The following SLC39A8 variants were observed in gnomAD, a reference collection of about 807,000 sequenced individuals.
SLC39A8 encodes the protein metal cation symporter ZIP8.
SLC39A8 carries 15 observed loss-of-function variants against 40.4 expected under a neutral mutation model. That is an observed-to-expected ratio of 0.37 (90% CI 0.25 to 0.57). The LOEUF (loss-of-function observed/expected upper bound fraction) is 0.57, where lower values mean the gene tolerates loss of function less well. Among genes scored for constraint, SLC39A8 ranks in the 20% least tolerant of loss-of-function variants. The probability of loss-of-function intolerance (pLI) is 0.75; values close to 1 mark genes in which losing one functional copy is unlikely to be tolerated. For missense variants in SLC39A8, 472 were observed against 558.8 expected, an observed-to-expected ratio of 0.84 and a Z score of 1.57; for synonymous variants, 223 against 221.6, an observed-to-expected ratio of 1.01 and a Z score of -0.06.
At chr4:102,312,010 ATTC>A (rs1420961534) in intron 3 of SLC39A8, among the ~76,000 whole-genome samples, 2 of 152,088 alleles carry the variant, frequency 1.3e-5, no homozygotes, top group African/African-American at 4.8e-5. Context: ...GAACAAAGAC[ATTC>A]TTCTTCCTCT....
chr4:102,294,895 A>T (rs986467670), intron 6 of SLC39A8, among the ~76,000 whole-genome samples: 1 of 151,986 alleles, frequency 6.6e-6, no homozygotes, highest in African/African-American at 2.4e-5. Flanking sequence ...ACCACTTCAG[A>T]CTTATTAAAT....
At chr4:102,312,708 G>A (rs1327717600) in intron 3 of SLC39A8, among the ~76,000 whole-genome samples, 3 of 152,068 alleles carry the variant, frequency 2.0e-5, no homozygotes, top group Non-Finnish European at 4.4e-5. Flanking sequence ...GCCTACCACA[G>A]CACCTAGGTA....
chr4:102,323,167 T>C (rs1401257423), intron 2 of SLC39A8, among the ~76,000 whole-genome samples: 1 of 152,216 alleles, frequency 6.6e-6, no homozygotes, highest in African/African-American at 2.4e-5. Flanking sequence ...CCTATAATCT[T>C]CATCTGTTCT....
At chr4:102,274,914 T>C (rs1028557548) in intron 6 of SLC39A8, among the ~76,000 whole-genome samples, 1 of 152,078 alleles carries the variant, frequency 6.6e-6, no homozygotes, top group Non-Finnish European at 1.5e-5. Context: ...AGGGATTTTG[T>C]CACCACCAGG....
At chr4:102,267,726 G>A (rs1266786192) in intron 7 of SLC39A8, 52 bp from the exon 8 acceptor site, 1 of 1,544,416 alleles carries the variant, frequency 6.5e-7, no homozygotes, top group African/African-American at 1.4e-5. Flanking sequence ...TTTATTTCTG[G>A]ATGATATCAA....
intron 2 of SLC39A8, among the ~76,000 whole-genome samples, chr4:102,340,648 G>A (rs2149057540): frequency 6.6e-6 from 1 of 152,324 alleles, no homozygotes; most frequent in South Asian, 2.1e-4. Flanking sequence ...CAGGATGAAT[G>A]ATATGATCAG....
At chr4:102,281,978 C>G (rs1436500214) in intron 6 of SLC39A8, among the ~76,000 whole-genome samples, 1 of 152,210 alleles carries the variant, frequency 6.6e-6, no homozygotes, top group Non-Finnish European at 1.5e-5. Context: ...TCACTATGCT[C>G]CTGGTACTGT....
At chr4:102,328,691 A>G (rs1223354195) in intron 2 of SLC39A8, among the ~76,000 whole-genome samples, 4 of 152,210 alleles carry the variant, frequency 2.6e-5, no homozygotes, top group Non-Finnish European at 1.5e-5. Flanking sequence ...CCTTTGCCTC[A>G]TGGACCATAC....
chr4:102,263,159 A>T lies in SLC39A8; in HGVS notation c.1268T>A (p.Val423Glu), dbSNP rs1193650520. The T allele has an allele frequency of 1.2e-6, 2 of 1,613,576 alleles. No homozygotes were observed. The highest frequency in any genetic ancestry group is 1.7e-5 in the Admixed American group (1 of 59,994). Residue 423 changes from valine to glutamate, a missense_variant, in exon 9 of 9, where the codon GTA (valine) becomes GAA (glutamate). By Grantham distance (121) the Val-to-Glu change is moderately radical. Around this residue, in one of 4 missense-constraint regions of SLC39A8, gnomAD observed 50 missense variants for 50.5 expected, o/e 0.99. Transcript: ENST00000356736. ...GGTGAAATCGGTTTTTCTTCCAGTTACCTTTTCTCTCAGCATATCATTCAT... is the reference window on the plus strand; with the variant it reads ...GGTGAAATCGGTTTTTCTTCCAGTTTCCTTTTCTCTCAGCATATCATTCAT... ...PEMNDMLREK[V>E]TGRKTDFTFF... is the part of the protein sequence containing the mutation.
chr4:102,326,816 A>G (rs1207412741), intron 2 of SLC39A8, among the ~76,000 whole-genome samples: 1 of 152,096 alleles, frequency 6.6e-6, no homozygotes, highest in East Asian at 1.9e-4. Context: ...TTCACTGAGG[A>G]GCTAGGAGCT....
chr4:102,261,603 T>C (rs6816673), downstream of SLC39A8: 14,804 of 674,410 alleles, frequency 0.022, 1,766 homozygotes, highest in African/African-American at 0.26. Context: ...CTCTCCCCCA[T>C]AATACCAGAT....
At chr4:102,267,259 A>G (rs1290370470) in intron 8 of SLC39A8, among the ~76,000 whole-genome samples, 1 of 152,070 alleles carries the variant, frequency 6.6e-6, no homozygotes, top group East Asian at 1.9e-4. Flanking sequence ...AAATCATTTC[A>G]CCTTCAAACA....
chr4:102,262,049 T>C lies in SLC39A8; in HGVS notation c.*995A>G. The C allele has an allele frequency of 1.0e-6, 1 of 986,020 alleles. No homozygotes were observed. Among genetic ancestry groups the C allele is most frequent in the South Asian group, 4.7e-5 (1 of 21,288 alleles). The allele number at this position is 986,020 out of a possible 1,614,324, so 61.1% of individuals were successfully genotyped here. A position where few individuals can be genotyped will look rare whatever the true frequency, so the allele number is the denominator to read the frequency against. ...GGCTGAACACAAAGGAAGTCTTTTC[T>C]GAATGGCTCTCGATCACACATAAGG... On this transcript the variant is annotated 3_prime_UTR_variant, in exon 9 of 9. Transcript: ENST00000356736.
At position 102,262,483 on chromosome 4, in the gene SLC39A8, T is replaced by G; in HGVS notation, c.*561A>C. On this transcript the variant is annotated 3_prime_UTR_variant, in exon 9 of 9. Transcript: ENST00000356736. ...TTTTCAAAATAATACTGCAAGTTCCTAATTGAAATACAAAACAGAACAAAA... is the reference window on the plus strand; with the variant it reads ...TTTTCAAAATAATACTGCAAGTTCCGAATTGAAATACAAAACAGAACAAAA... 1 of 985,256 alleles carries G rather than the reference T, an allele frequency of 1.0e-6. No homozygotes were observed. Among genetic ancestry groups the G allele is most frequent in the Non-Finnish European group, 1.2e-6 (1 of 829,632 alleles). 61.0% of individuals were successfully genotyped at this position (985,256 alleles called of 1,614,324 possible). A position where few individuals can be genotyped will look rare whatever the true frequency, so the allele number is the denominator to read the frequency against.
intron 6 of SLC39A8, among the ~76,000 whole-genome samples, chr4:102,292,267 T>C (rs1450853473): frequency 6.6e-6 from 1 of 152,104 alleles, no homozygotes; most frequent in East Asian, 1.9e-4. Flanking sequence ...TTCATCTTTC[T>C]ACAATGTGTA....
chr4:102,273,946 C>T (rs950264684), intron 6 of SLC39A8, among the ~76,000 whole-genome samples: 3 of 152,130 alleles, frequency 2.0e-5, no homozygotes, highest in African/African-American at 7.2e-5. Context: ...ATCTGAAGGT[C>T]ACCAACAGCA....
At chr4:102,263,287 T>C in intron 8 of SLC39A8, 94 bp from the exon 9 acceptor site, 1 of 1,098,668 alleles carries the variant, frequency 9.1e-7, no homozygotes, top group Non-Finnish European at 1.3e-6. Flanking sequence ...CAGTGTGGGT[T>C]TGGTTCCAGA....
At chr4:102,256,119 T>C (rs1386070017) in intron 11 of SLC39A8, among the ~76,000 whole-genome samples, 1 of 152,222 alleles carries the variant, frequency 6.6e-6, no homozygotes, top group Non-Finnish European at 1.5e-5. Flanking sequence ...ACATAATTAT[T>C]AGAGTAACAC....
intron 6 of SLC39A8, chr4:102,269,654 C>T (rs1732256139): frequency 1.3e-5 from 2 of 152,032 alleles, no homozygotes; most frequent in African/African-American, 4.8e-5. Context: ...CCCAGAGATA[C>T]AAAAAAAGAG....
Sources: gnomAD v4.1 joint callset for allele counts (sites outside exome capture counted in the v4.1 genomes callset) on GRCh38, gnomAD v4.1.1 for gene constraint, gnomAD v4.1.1 regional missense constraint, MANE v1.5 for transcripts, NCBI Gene and HGNC (gene_info 2026-07-23, HGNC 2026-07-21) for gene names.